SULF2: variants seen among roughly 807,000 people sequenced by gnomAD.
The protein encoded by SULF2 is sulfatase 2.
In SULF2, 52 loss-of-function variants were observed where a neutral mutation model predicts 107.7. That is an observed-to-expected ratio of 0.48 (90% CI 0.39 to 0.61). The LOEUF (loss-of-function observed/expected upper bound fraction) is 0.61, where lower values mean the gene tolerates loss of function less well. Ranked by LOEUF, SULF2 falls within the 20% of genes least tolerant of loss-of-function variation. The pLI is 0.00. For missense variants in SULF2, 993 were observed against 1,177.3 expected (o/e 0.84, Z 2.29); for synonymous variants, 460 against 464.3 (o/e 0.99, Z 0.12).
chr20:47,775,234 G>A (rs968713718), intron 1 of SULF2, among the ~76,000 whole-genome samples: 7 of 152,272 alleles, frequency 4.6e-5, no homozygotes, highest in South Asian at 4.1e-4. Context: ...TTAAGAGACC[G>A]TGGCAGCTTT....
At chr20:47,664,256 C>T (rs1423814120) in intron 14 of SULF2, 67 bp from the exon 15 acceptor site, 5 of 1,497,836 alleles carry the variant, frequency 3.3e-6, no homozygotes, top group Admixed American at 1.9e-5. Context: ...CAGGTGCAAG[C>T]TGTGATTTCT....
At chr20:47,755,366 A>G (rs1315004632) in intron 2 of SULF2, among the ~76,000 whole-genome samples, 1 of 152,158 alleles carries the variant, frequency 6.6e-6, no homozygotes, top group Non-Finnish European at 1.5e-5. Flanking sequence ...TTTTATCTGC[A>G]TACACTGTTG....
In SULF2 at chr20:47,687,014, C is replaced by T. The variant is rs142220563; in HGVS notation, c.738-2433G>A. ...AAAGGGGGCTGCTGGGGGCAGCAGT[C>T]GGACAGAGACGCTCTCAGAGCAGCG... On this transcript the variant is annotated intron_variant, in intron 5 of 20. Coordinates refer to ENST00000688720, the MANE Select transcript of SULF2 (RefSeq NM_001387048.1). Among the ~76,000 whole-genome samples, 247 of 152,312 alleles carry T rather than the reference C, an allele frequency of 1.6e-3. 2 individuals are homozygous for T. The highest frequency in any genetic ancestry group is 5.7e-3 in the African/African-American group (235 of 41,574).
At chr20:47,700,803 G>A (rs1205211925) in intron 4 of SULF2, among the ~76,000 whole-genome samples, 10 of 151,982 alleles carry the variant, frequency 6.6e-5, no homozygotes, top group African/African-American at 2.4e-4. Flanking sequence ...CCGCCACCAC[G>A]CAGGGCTAAT....
intron 10 of SULF2, 154 bp from the exon 11 acceptor site, chr20:47,672,547 C>T (rs978829569): frequency 2.0e-6 from 2 of 985,078 alleles, no homozygotes; most frequent in Admixed American, 6.2e-5. Context: ...TGCCGCTTCT[C>T]TCCACTGCCA....
chr20:47,716,054 C>A (rs2089110334), intron 3 of SULF2, among the ~76,000 whole-genome samples: 1 of 152,032 alleles, frequency 6.6e-6, no homozygotes, highest in Admixed American at 6.6e-5. Flanking sequence ...CTTTATAAAA[C>A]CAAAAAAGCA....
At chr20:47,768,672 G>A (rs1223732682) in intron 1 of SULF2, among the ~76,000 whole-genome samples, 3 of 152,240 alleles carry the variant, frequency 2.0e-5, no homozygotes, top group East Asian at 1.9e-4. Context: ...GTGTGGAAAA[G>A]CGGAAGGAAC....
intron 11 of SULF2, among the ~76,000 whole-genome samples, chr20:47,668,265 C>A (rs1033949395): frequency 1.3e-5 from 2 of 152,260 alleles, no homozygotes; most frequent in Non-Finnish European, 2.9e-5. Context: ...AGGCCAGCCT[C>A]CATCTGTCTT....
At chr20:47,716,656 C>A (rs960285230) in intron 3 of SULF2, among the ~76,000 whole-genome samples, 1 of 152,120 alleles carries the variant, frequency 6.6e-6, no homozygotes, top group African/African-American at 2.4e-5. Flanking sequence ...ATTCAATCTG[C>A]TGAGATATAT....
chr20:47,755,747 C>T (rs985458250), intron 2 of SULF2, among the ~76,000 whole-genome samples: 24 of 152,236 alleles, frequency 1.6e-4, no homozygotes, highest in South Asian at 6.2e-4. Context: ...AGTGAGGTCA[C>T]GGCCTTCCTC....
chr20:47,756,372 C>T (rs1292882283), intron 2 of SULF2, among the ~76,000 whole-genome samples: 2 of 152,044 alleles, frequency 1.3e-5, no homozygotes, highest in East Asian at 3.9e-4. Flanking sequence ...GAGAAGCTCC[C>T]GGAGGAAAAA....
At chr20:47,726,221 T>C (rs2089439309) in intron 3 of SULF2, among the ~76,000 whole-genome samples, 1 of 152,194 alleles carries the variant, frequency 6.6e-6, no homozygotes. Flanking sequence ...TCTTTCTTTT[T>C]TAGAGACAAG....
intron 2 of SULF2, among the ~76,000 whole-genome samples, chr20:47,753,098 C>CAAAA (rs10578438): frequency 3.1e-4 from 28 of 90,606 alleles, no homozygotes; most frequent in Non-Finnish European, 4.0e-4. Flanking sequence ...GAGACTCTCT[C>CAAAA]AAAAAAAAAA....
chr20:47,733,201 G>A (rs2089654737), intron 3 of SULF2, among the ~76,000 whole-genome samples: 1 of 152,226 alleles, frequency 6.6e-6, no homozygotes, highest in African/African-American at 2.4e-5. Flanking sequence ...ACATGAAGGA[G>A]AAGAGACTAT....
chr20:47,712,696 C>T (rs1447841864), intron 3 of SULF2, among the ~76,000 whole-genome samples: 1 of 152,160 alleles, frequency 6.6e-6, no homozygotes, highest in Non-Finnish European at 1.5e-5. Flanking sequence ...CGTCACACCC[C>T]TCGCCCAGGA....
Position 47,666,471 on chromosome 20 carries a change from C to T in SULF2, c.1594G>A (p.Val532Ile). The T allele has an allele frequency of 6.2e-7, 1 of 1,613,272 alleles. No individual in the cohort carries two copies. The highest frequency in any genetic ancestry group is 8.5e-7 in the Non-Finnish European group (1 of 1,179,996). ...ACTGAGCGGATGGAGCGACTGCGGACATAGCTGGCCTTGTACTCTGTGGGC... is the reference window on the plus strand; with the variant it reads ...ACTGAGCGGATGGAGCGACTGCGGATATAGCTGGCCTTGTACTCTGTGGGC... ...LFKKKYKASYVRSRSIRSVAI... is the reference protein window; with the variant it reads ...LFKKKYKASYIRSRSIRSVAI... The change falls in exon 12 of 21, where the codon GTC becomes ATC. Residue 532 changes from valine (V) to isoleucine (I), a missense_variant. This residue lies in a region of SULF2 where 497 missense variants were observed against 544.1 expected (regional missense o/e 0.91). Transcript: ENST00000688720. This position sits in a 1 kb window ranked among gnomAD's most constrained non-coding sequence, Gnocchi z 5.4.
chr20:47,775,667 A>C (rs2090711369), intron 1 of SULF2, among the ~76,000 whole-genome samples: 2 of 152,224 alleles, frequency 1.3e-5, no homozygotes, highest in Admixed American at 1.3e-4. Context: ...TCATTCATTC[A>C]AACAGCCAGT....
chr20:47,736,709 G>C lies in SULF2; in HGVS notation c.409C>G (p.Arg137Gly), dbSNP rs1021173957. The C allele has an allele frequency of 6.2e-7, 1 of 1,614,172 alleles. No homozygotes were observed. The highest frequency in any genetic ancestry group is 8.5e-7 in the Non-Finnish European group (1 of 1,180,020). ...TGCCCCCGTCCCTGCTCACCTGTCC[G>C]GTAGCCAGTGCTATTGAGGTACACG... The part of the protein sequence containing the change: ...FAVYLNSTGY[R>G]TAFFGKYLNE... Residue 137 changes from arginine (R) to glycine (G), a missense_variant, in exon 3 of 21, where the codon CGG becomes GGG. Physicochemically the swap from Arg to Gly is moderately radical, Grantham distance 125. Coordinates refer to ENST00000688720, the MANE Select transcript of SULF2 (RefSeq NM_001387048.1).
chr20:47,672,169 G>A, intron 11 of SULF2, 29 bp downstream of exon 11: 1 of 1,580,938 alleles, frequency 6.3e-7, no homozygotes, highest in Middle Eastern at 1.9e-4. Flanking sequence ...CTCTCCTCCT[G>A]TCCCACTCAG....
Sources: gnomAD v4.1 joint callset for allele counts (sites outside exome capture counted in the v4.1 genomes callset) on GRCh38, gnomAD v4.1.1 for gene constraint, gnomAD v4.1.1 regional missense constraint, Gnocchi (gnomAD v3.1) non-coding constraint, MANE v1.5 for transcripts, NCBI Gene and HGNC (gene_info 2026-07-23, HGNC 2026-07-21) for gene names.